The following INTS4 variants were observed in gnomAD, a reference collection of about 807,000 sequenced individuals.
INTS4 encodes integrator complex subunit 4, also known as MSTP093.
Under a neutral mutation model 119.5 loss-of-function variants are expected in INTS4, and 70 were observed. That is an observed-to-expected ratio of 0.59 (90% CI 0.48 to 0.71). The LOEUF is 0.71. Ranked by LOEUF, INTS4 falls within the 30% of genes least tolerant of loss-of-function variation. The pLI is 0.00. For missense variants in INTS4, 867 were observed against 1,173.2 expected, an observed-to-expected ratio of 0.74 and a Z score of 3.81; for synonymous variants, 316 against 419.6, an observed-to-expected ratio of 0.75 and a Z score of 3.02.
In INTS4 at chr11:77,958,880, G is replaced by A. The variant is rs760040169; in HGVS notation, c.709-46C>T. On this transcript the variant is annotated intron_variant, in intron 6 of 22. Coordinates refer to ENST00000534064, the MANE Select transcript of INTS4 (RefSeq NM_033547.4). ...AGTCTATTAGTTCTGTGTCCTCTCA[G>A]GCAATGTTTAAACTATTTTCAAAGT... 4 of 1,194,880 alleles carry A rather than the reference G, an allele frequency of 3.3e-6. No homozygotes were observed. In the Admixed American group the frequency reaches 5.4e-5, roughly 16 times the overall value. The allele number at this position is 1,194,880 out of a possible 1,614,324, so 74.0% of individuals were successfully genotyped here.
In INTS4 at chr11:77,967,923, G is replaced by C. The variant is rs151133700; in HGVS notation, c.472-6785C>G. On this transcript the variant is annotated intron_variant, in intron 4 of 22. Transcript: ENST00000534064. ...CATTCTGAGAAATGCATCATTAGGTGATTTCATCATTGTGCAAACATCAGA... is the reference window on the plus strand; with the variant it reads ...CATTCTGAGAAATGCATCATTAGGTCATTTCATCATTGTGCAAACATCAGA... Among the ~76,000 whole-genome samples, 10 of 152,248 alleles carry C rather than the reference G, an allele frequency of 6.6e-5. No homozygotes were observed. The East Asian group carries it at 1.9e-3, about 29-fold the overall frequency.
chr11:77,920,154 T>TATATACACATATATATAC (rs1953304787), intron 14 of INTS4, among the ~76,000 whole-genome samples: 1 of 123,356 alleles, frequency 8.1e-6, no homozygotes, highest in Non-Finnish European at 1.8e-5. Context: ...ACCATATATA[T>TATATACACATATATATAC]ATATACACAT....
chr11:77,908,900 C>G (rs936487810), intron 15 of INTS4, among the ~76,000 whole-genome samples: 1 of 152,226 alleles, frequency 6.6e-6, no homozygotes, highest in Non-Finnish European at 1.5e-5. Flanking sequence ...CCATTCTCCA[C>G]TTCTTTATTA....
At position 77,961,153 on chromosome 11, in the gene INTS4, A is replaced by AAAAAAAAAAAAAAAAAG; in HGVS notation, c.472-16_472-15insCTTTTTTTTTTTTTTTT. The stretch of plus-strand genomic sequence containing the variant: ...TCTGTCAGATGCTATTAAAAAAAAA[A>AAAAAAAAAAAAAAAAAG]AAAAAAAGAAAAAAAGAAAAAGAAA... On this transcript the variant is annotated splice_polypyrimidine_tract_variant and intron_variant, in intron 4 of 22. Transcript: ENST00000534064. 4 of 1,544,108 alleles carry AAAAAAAAAAAAAAAAAG rather than the reference A, an allele frequency of 2.6e-6. No homozygotes were observed. The South Asian group carries it at 5.0e-5, about 19-fold the overall frequency.
chr11:77,915,888 T>C (rs941546351), intron 15 of INTS4, among the ~76,000 whole-genome samples: 2 of 152,360 alleles, frequency 1.3e-5, no homozygotes, highest in African/African-American at 4.8e-5. Flanking sequence ...GGAATAATGT[T>C]AAGTGGGAAG....
rs544036462 is a variant in INTS4 at position 77,983,946 on chromosome 11, C to T, written c.247-2370G>A. ...ATTTGGACAAATATGTTCATAGCAG[C>T]ATTATTCACAACAGCTAAAATGTGG... is the stretch of plus-strand genomic sequence containing the variant. On this transcript the variant is annotated intron_variant, in intron 2 of 22. Transcript: ENST00000534064. Among the ~76,000 whole-genome samples, 6 of 152,224 alleles carry T rather than the reference C, an allele frequency of 3.9e-5. No homozygotes were observed. The East Asian group carries it at 1.2e-3, about 29-fold the overall frequency.
At chr11:77,905,472 A>T (rs1436767219) in intron 16 of INTS4, among the ~76,000 whole-genome samples, 1 of 151,854 alleles carries the variant, frequency 6.6e-6, no homozygotes, top group Non-Finnish European at 1.5e-5. Context: ...AAAAAAAAAA[A>T]GGCAATATAG....
intron 7 of INTS4, among the ~76,000 whole-genome samples, chr11:77,956,738 AAT>A (rs1435582937): frequency 7.1e-5 from 7 of 98,094 alleles, no homozygotes; most frequent in Admixed American, 9.8e-5. Flanking sequence ...TAATAATAAT[AAT>A]AATAATAATA....
chr11:77,883,716 C>T (rs532807756), intron 22 of INTS4, 116 bp downstream of exon 22: 1 of 1,135,198 alleles, frequency 8.8e-7, no homozygotes, highest in African/African-American at 1.6e-5. Context: ...AAGTTCAATT[C>T]TTACAAGGCC....
Position 77,960,986 on chromosome 11 carries a change from G to A in INTS4, c.624C>T (p.Asp208=). 1 of 1,612,372 alleles carries A rather than the reference G, an allele frequency of 6.2e-7. No individual in the cohort carries two copies. The highest frequency in any genetic ancestry group is 8.5e-7 in the Non-Finnish European group (1 of 1,179,244). The part of the protein sequence containing the change: ...KIIGDYFSDQ[D]PRVRTAAIKA... ...TTATAGCTGCTGTTCTGACACGTGGGTCTTGGTCACTGAAGTAATCCCCTA... is the reference window on the plus strand; with the variant it reads ...TTATAGCTGCTGTTCTGACACGTGGATCTTGGTCACTGAAGTAATCCCCTA... Residue 208 remains aspartate (D), a synonymous_variant, in exon 5 of 23, where the codon GAC becomes GAT. Coordinates refer to ENST00000534064, the MANE Select transcript of INTS4 (RefSeq NM_033547.4).
At chr11:77,936,477 C>A (rs11237324) in intron 10 of INTS4, among the ~76,000 whole-genome samples, 1 of 152,086 alleles carries the variant, frequency 6.6e-6, no homozygotes, top group African/African-American at 2.4e-5. Context: ...CTAACTCCTG[C>A]GCTCAAGCAA....
intron 4 of INTS4, 45 bp downstream of exon 4, chr11:77,978,951 C>T: frequency 8.2e-7 from 1 of 1,213,434 alleles, no homozygotes; most frequent in Non-Finnish European, 1.2e-6. Context: ...TAGCAGTCCT[C>T]AGTTACCAGT....
intron 15 of INTS4, chr11:77,918,090 G>A (rs1231740263): frequency 1.4e-6 from 1 of 699,780 alleles, no homozygotes; most frequent in Admixed American, 2.0e-5. Context: ...AGTTAGATCT[G>A]AATTGTTAAG....
chr11:77,967,321 G>T (rs1471077773), intron 4 of INTS4, among the ~76,000 whole-genome samples: 4 of 152,146 alleles, frequency 2.6e-5, no homozygotes, highest in Non-Finnish European at 5.9e-5. Flanking sequence ...ATGCACAGGG[G>T]AGAGGCCATA....
At chr11:77,964,772 G>A (rs1855422689) in intron 4 of INTS4, among the ~76,000 whole-genome samples, 1 of 151,664 alleles carries the variant, frequency 6.6e-6, no homozygotes, top group Non-Finnish European at 1.5e-5. Flanking sequence ...GAGGGAGGGA[G>A]GGGAGGCAAG....
At chr11:77,957,267 C>T (rs1336026281) in intron 7 of INTS4, among the ~76,000 whole-genome samples, 1 of 152,094 alleles carries the variant, frequency 6.6e-6, no homozygotes, top group African/African-American at 2.4e-5. Context: ...AAGTGTGTAA[C>T]CCACCAAAGG....
In INTS4 at chr11:77,894,291, T is replaced by G. The variant is rs142677451; in HGVS notation, c.2287A>C (p.Arg763=). ...KFLQEVDFFQ[R]YFIADLPHLQ... ...CCAGAAGAGTTATAAAATACTTACCTCTGAAAAAAGTCTACTTCCTGTAAA... is the reference window on the plus strand; with the variant it reads ...CCAGAAGAGTTATAAAATACTTACCGCTGAAAAAAGTCTACTTCCTGTAAA... The change falls in exon 19 of 23, where the codon AGG becomes CGG. Residue 763 remains arginine, a splice_region_variant and synonymous_variant. Transcript: ENST00000534064. The G allele has an allele frequency of 3.4e-4, 519 of 1,511,292 alleles. 1 individual carries two copies. The highest frequency in any genetic ancestry group is 4.2e-4 in the Non-Finnish European group (459 of 1,092,904). The allele number at this position is 1,511,292 out of a possible 1,614,324, so 93.6% of individuals were successfully genotyped here. A position where few individuals can be genotyped will look rare whatever the true frequency, so the allele number is the denominator to read the frequency against.
chr11:77,877,978 A>G (rs1951645302), downstream of INTS4, among the ~76,000 whole-genome samples: 2 of 152,188 alleles, frequency 1.3e-5, no homozygotes, highest in African/African-American at 4.8e-5. Flanking sequence ...CCTGTTTCCC[A>G]TAATCTTGAT....
chr11:77,975,536 C>T (rs1193489080), intron 4 of INTS4, among the ~76,000 whole-genome samples: 1 of 151,620 alleles, frequency 6.6e-6, no homozygotes, highest in Admixed American at 6.6e-5. Flanking sequence ...TAGTCATAAA[C>T]CAAAATGGCA....
Sources: gnomAD v4.1 joint callset for allele counts (sites outside exome capture counted in the v4.1 genomes callset) on GRCh38, gnomAD v4.1.1 for gene constraint, MANE v1.5 for transcripts, NCBI Gene and HGNC (gene_info 2026-07-23, HGNC 2026-07-21) for gene names.